Variants in FABP7 observed in about 807,000 individuals in gnomAD.
FABP7 encodes the protein fatty acid binding protein 7, also known as fatty acid-binding protein, brain.
FABP7 carries 13 observed loss-of-function variants against 14.2 expected under a neutral mutation model. The observed-to-expected ratio is 0.91, with a 90% CI of 0.59 to 1.45. FABP7 has a LOEUF of 1.45. Ranked by LOEUF, FABP7 falls within the 40% of genes most tolerant of loss-of-function variation. The pLI is 0.00. For synonymous variants in FABP7, 49 were observed against 51.4 expected, an observed-to-expected ratio of 0.95 and a Z score of 0.20; for missense variants, 149 against 157.6, an observed-to-expected ratio of 0.95 and a Z score of 0.29.
chr6:122,773,853 A>G, the FABP7 span, among the ~76,000 whole-genome samples: 1 of 152,132 alleles, frequency 6.6e-6, no homozygotes, highest in South Asian at 2.1e-4. Context: ...TCCTAAAGCA[A>G]CTTATCTTTC....
the FABP7 span, among the ~76,000 whole-genome samples, chr6:122,771,562 C>G: frequency 6.6e-6 from 1 of 152,174 alleles, no homozygotes; most frequent in African/African-American, 2.4e-5. Flanking sequence ...ACCATGCATA[C>G]TCATTGGCAT....
the FABP7 span, among the ~76,000 whole-genome samples, chr6:122,755,873 T>C: frequency 6.6e-6 from 1 of 152,060 alleles, no homozygotes; most frequent in South Asian, 2.1e-4. Context: ...CAGGTATCCA[T>C]TGAAAGAGTG....
chr6:122,758,741 TG>T, the FABP7 span, among the ~76,000 whole-genome samples: 1 of 152,334 alleles, frequency 6.6e-6, no homozygotes, highest in East Asian at 1.9e-4. Flanking sequence ...ATATTACTTA[TG>T]TCATCTTCAT....
chr6:122,762,085 A>C, the FABP7 span, among the ~76,000 whole-genome samples: 1 of 152,142 alleles, frequency 6.6e-6, no homozygotes, highest in African/African-American at 2.4e-5. Flanking sequence ...GAGACACAAC[A>C]AAAAAAGAGA....
the FABP7 span, among the ~76,000 whole-genome samples, chr6:122,762,184 T>C: frequency 1.3e-5 from 2 of 152,168 alleles, no homozygotes; most frequent in Non-Finnish European, 2.9e-5. Context: ...TCAAAAAGCG[T>C]ATCCACCATG....
At chr6:122,775,715 A>G (rs547748012), upstream of FABP7, among the ~76,000 whole-genome samples, 12 of 151,276 alleles carry the variant, frequency 7.9e-5, no homozygotes, top group African/African-American at 2.4e-4. Context: ...AAAAAAAACA[A>G]ACAAAAAAAT....
chr6:122,779,857 G>T lies in FABP7; in HGVS notation c.63G>T (p.Met21Ile). The change falls in exon 1 of 4, where the codon ATG becomes ATT. Residue 21 changes from methionine (M) to isoleucine (I), a missense_variant. Met to Ile is a conservative substitution (Grantham distance 10). Transcript: ENST00000368444. ...LTNSQNFDEY[M>I]KALGVGFATR... ...ACAGTCAGAACTTTGATGAGTACAT[G>T]AAGGCTCTAGGTAGGTAACAATAAG... 6.2e-7 allele frequency: 1 copy of T among 1,614,008 alleles called. No individual in the cohort carries two copies. The highest frequency in any genetic ancestry group is 8.5e-7 in the Non-Finnish European group (1 of 1,179,912).
chr6:122,782,228 G>A (rs1324465733), intron 3 of FABP7: 6 of 970,290 alleles, frequency 6.2e-6, no homozygotes, highest in South Asian at 4.8e-5. Flanking sequence ...TCCTAAGGCT[G>A]CCACAACAAA....
At chr6:122,767,755 G>GAAAAAAA in the FABP7 span, among the ~76,000 whole-genome samples, 2 of 116,352 alleles carry the variant, frequency 1.7e-5, no homozygotes, top group Non-Finnish European at 1.7e-5. Context: ...CCACTAAAAG[G>GAAAAAAA]AAAAAAAAAA....
At chr6:122,763,411 T>C in the FABP7 span, among the ~76,000 whole-genome samples, 1 of 152,240 alleles carries the variant, frequency 6.6e-6, no homozygotes, top group South Asian at 2.1e-4. Flanking sequence ...AAGACTTAAA[T>C]GTTAGACCTA....
At chr6:122,778,363 G>A (rs1385124731), upstream of FABP7, among the ~76,000 whole-genome samples, 1 of 152,178 alleles carries the variant, frequency 6.6e-6, no homozygotes, top group African/African-American at 2.4e-5. Flanking sequence ...AGTTGTGAAG[G>A]AAGACTACAG....
intron 3 of FABP7, chr6:122,782,089 T>G (rs1488700263): frequency 1.0e-6 from 1 of 985,298 alleles, no homozygotes; most frequent in Non-Finnish European, 1.2e-6. Context: ...TCTTTCCAGT[T>G]TTTTTCTCGA....
chr6:122,768,361 A>G, the FABP7 span, among the ~76,000 whole-genome samples: 1 of 152,194 alleles, frequency 6.6e-6, no homozygotes, highest in Non-Finnish European at 1.5e-5. Flanking sequence ...CTATGTGCCC[A>G]AAATAAACTA....
At chr6:122,759,138 A>G in the FABP7 span, among the ~76,000 whole-genome samples, 2 of 152,254 alleles carry the variant, frequency 1.3e-5, no homozygotes, top group South Asian at 2.1e-4. Context: ...TTATTCAAAC[A>G]TACTTATGAA....
chr6:122,758,508 T>C, the FABP7 span, among the ~76,000 whole-genome samples: 41,339 of 152,134 alleles, frequency 0.27, 6,450 homozygotes, highest in Non-Finnish European at 0.36. Flanking sequence ...CTATTCCTAG[T>C]GCAAGTTCTT....
the FABP7 span, among the ~76,000 whole-genome samples, chr6:122,762,115 G>C: frequency 2.0e-5 from 3 of 152,142 alleles, no homozygotes; most frequent in Admixed American, 2.0e-4. Flanking sequence ...CAATATCCCT[G>C]ATGAACACTG....
chr6:122,759,796 G>T, the FABP7 span, among the ~76,000 whole-genome samples: 1 of 152,118 alleles, frequency 6.6e-6, no homozygotes, highest in Non-Finnish European at 1.5e-5. Context: ...ATTTGGAAAT[G>T]CCATTTTTTC....
chr6:122,775,336 T>C (rs1447715482), upstream of FABP7, among the ~76,000 whole-genome samples: 4 of 100,914 alleles, frequency 4.0e-5, no homozygotes, highest in South Asian at 4.1e-4. Flanking sequence ...TAGAACTGAA[T>C]AGAGTACACA....
At chr6:122,749,850 C>A in the FABP7 span, among the ~76,000 whole-genome samples, 1 of 152,214 alleles carries the variant, frequency 6.6e-6, no homozygotes, top group Non-Finnish European at 1.5e-5. Flanking sequence ...TAATACCAAG[C>A]ATACTGTTTC....
Sources: allele counts gnomAD v4.1 joint callset (sites outside exome capture counted in the v4.1 genomes callset), GRCh38; gene constraint gnomAD v4.1.1; transcripts MANE v1.5; gene names NCBI Gene and HGNC (gene_info 2026-07-23, HGNC 2026-07-21).